Variants in PTAFR observed in about 807,000 individuals in gnomAD.
The protein encoded by PTAFR is platelet-activating factor receptor.
PTAFR carries 8 observed loss-of-function variants against 14.7 expected under a neutral mutation model. That is an observed-to-expected ratio of 0.54 (90% CI 0.32 to 0.98). The LOEUF (loss-of-function observed/expected upper bound fraction) is 0.98, where lower values mean the gene tolerates loss of function less well. Among genes scored for constraint, PTAFR ranks in the 50% least tolerant of loss-of-function variants. The pLI, the probability that PTAFR is intolerant of heterozygous loss-of-function variation, is 0.04. For missense variants in PTAFR, 337 were observed against 451.2 expected (o/e 0.75, Z 2.29); for synonymous variants, 156 against 176.5 (o/e 0.88, Z 0.92).
At chr1:28,175,804 C>T (rs1646507032) in intron 1 of PTAFR, among the ~76,000 whole-genome samples, 2 of 152,102 alleles carry the variant, frequency 1.3e-5, no homozygotes, top group Non-Finnish European at 2.9e-5. Flanking sequence ...CCCGACAATT[C>T]TGTGGGGGAG....
At chr1:28,152,335 C>T (rs1338110281) in intron 1 of PTAFR, among the ~76,000 whole-genome samples, 1 of 152,162 alleles carries the variant, frequency 6.6e-6, no homozygotes, top group East Asian at 1.9e-4. Context: ...GGCATGATGG[C>T]TTACGCCTGT....
At chr1:28,168,251 G>A (rs1370501339) in intron 1 of PTAFR, among the ~76,000 whole-genome samples, 4 of 151,294 alleles carry the variant, frequency 2.6e-5, no homozygotes, top group Non-Finnish European at 5.9e-5. Flanking sequence ...GATTACAGGC[G>A]TGAGCCACCG....
At chr1:28,155,655 A>G (rs1646255920) in intron 1 of PTAFR, among the ~76,000 whole-genome samples, 1 of 152,130 alleles carries the variant, frequency 6.6e-6, no homozygotes, top group African/African-American at 2.4e-5. Flanking sequence ...GCTGGAGCCC[A>G]GGGGTTTGAG....
At position 28,149,315 on chromosome 1, in the gene PTAFR, T is replaced by C. The variant is rs1436455128; in HGVS notation, c.*678A>G. ...GTCTACCTCTATCACTTGAGAGTAG[T>C]TGCCCAAAGCTTTTTTTTTTTTTTT... On this transcript the variant is annotated 3_prime_UTR_variant, in exon 2 of 2. Transcript: ENST00000373857. The C allele has an allele frequency of 1.3e-5, 2 of 149,608 alleles. No homozygotes were observed. The highest frequency in any genetic ancestry group is 5.0e-5 in the African/African-American group (2 of 40,304). 9.3% of individuals were successfully genotyped at this position (149,608 alleles called of 1,614,324 possible).
intron 1 of PTAFR, among the ~76,000 whole-genome samples, chr1:28,153,155 G>C (rs763494195): frequency 6.6e-6 from 1 of 152,148 alleles, no homozygotes; most frequent in Non-Finnish European, 1.5e-5. Flanking sequence ...GAAACAATTA[G>C]CCAGGCATAG....
chr1:28,158,005 G>C lies in PTAFR; in HGVS notation c.-38-6946C>G, dbSNP rs185171397. Among the ~76,000 whole-genome samples the C allele has an allele frequency of 2.0e-3, 311 of 152,260 alleles. 2 individuals are homozygous for C. Among genetic ancestry groups the C allele is most frequent in the Admixed American group, 7.7e-3 (118 of 15,286 alleles). ...CAGACTAGCCCAATTCACTCATTCA[G>C]TTGCTCATTCATGCATTCGTTGGAC... On this transcript the variant is annotated intron_variant, in intron 1 of 1. Coordinates refer to ENST00000373857, the MANE Select transcript of PTAFR (RefSeq NM_000952.5).
chr1:28,169,914 C>T (rs966128283), intron 1 of PTAFR, among the ~76,000 whole-genome samples: 1 of 151,672 alleles, frequency 6.6e-6, no homozygotes, highest in Non-Finnish European at 1.5e-5. Context: ...GCAGGGGAAT[C>T]ACTTGAACCC....
At chr1:28,156,021 G>A (rs1646259733) in intron 1 of PTAFR, among the ~76,000 whole-genome samples, 1 of 151,998 alleles carries the variant, frequency 6.6e-6, no homozygotes, top group South Asian at 2.1e-4. Context: ...CAGCACTTTG[G>A]GAGGCCGAGA....
upstream of PTAFR, among the ~76,000 whole-genome samples, chr1:28,179,243 G>A (rs950076545): frequency 2.0e-5 from 3 of 152,118 alleles, no homozygotes; most frequent in Non-Finnish European, 4.4e-5. Flanking sequence ...AGCAAGCCTG[G>A]GAGGGACCTC....
chr1:28,176,765 C>T (rs970308015), upstream of PTAFR: 2 of 152,990 alleles, frequency 1.3e-5, no homozygotes, highest in African/African-American at 4.8e-5. Flanking sequence ...TCAAGGGGTA[C>T]CACAGGAACT....
At chr1:28,160,886 C>T (rs1646316165) in intron 1 of PTAFR, among the ~76,000 whole-genome samples, 1 of 152,204 alleles carries the variant, frequency 6.6e-6, no homozygotes, top group Non-Finnish European at 1.5e-5. Context: ...CTCCTGGCCC[C>T]CATGTGACTC....
At chr1:28,155,999 T>G (rs1185535583) in intron 1 of PTAFR, among the ~76,000 whole-genome samples, 1 of 151,992 alleles carries the variant, frequency 6.6e-6, no homozygotes, top group African/African-American at 2.4e-5. Context: ...TGGTGGCTCA[T>G]GCCTGTAATA....
chr1:28,186,374 C>CA (rs1463337619), intron 1 of PTAFR, among the ~76,000 whole-genome samples: 2 of 152,086 alleles, frequency 1.3e-5, no homozygotes, highest in African/African-American at 4.8e-5. Context: ...GTACTATATT[C>CA]ATGCATGAGA....
rs147712754 is a variant in PTAFR, at chr1:28,193,030, C to T, written c.-39+692G>A. On this transcript the variant is annotated intron_variant, in intron 1 of 1. Transcript: ENST00000305392. ...GCTCAGCTCTGCCCTTCTTGCTCCA[C>T]TGTGTGGCCTGGCTGCCAGTGCATG... Among the ~76,000 whole-genome samples, 9 of 152,298 alleles carry T rather than the reference C, an allele frequency of 5.9e-5. No individual in the cohort carries two copies. The East Asian group carries it at 1.7e-3, about 29-fold the overall frequency.
intron 1 of PTAFR, among the ~76,000 whole-genome samples, chr1:28,189,819 C>A (rs1646637893): frequency 6.6e-6 from 1 of 151,196 alleles, no homozygotes; most frequent in Admixed American, 6.6e-5. Flanking sequence ...GTGCACACCA[C>A]TGTGTCCAGC....
chr1:28,189,107 A>G (rs149787649), intron 1 of PTAFR, among the ~76,000 whole-genome samples: 56 of 151,370 alleles, frequency 3.7e-4, no homozygotes, highest in Admixed American at 5.9e-4. Context: ...TAATTTCATA[A>G]TCAATGCTTG....
chr1:28,183,722 C>T (rs1646581195), intron 1 of PTAFR, among the ~76,000 whole-genome samples: 1 of 152,102 alleles, frequency 6.6e-6, no homozygotes, highest in Non-Finnish European at 1.5e-5. Flanking sequence ...CCCGTCTCTA[C>T]TAAAAATACA....
chr1:28,180,934 T>C (rs1646557230), upstream of PTAFR, among the ~76,000 whole-genome samples: 1 of 151,584 alleles, frequency 6.6e-6, no homozygotes, highest in South Asian at 2.1e-4. Context: ...AAATAGAAAA[T>C]GTGGCAAAAT....
At chr1:28,176,444 CAA>C (rs532299068) in intron 1 of PTAFR, 146 bp downstream of exon 1, 10 of 71,150 alleles carry the variant, frequency 1.4e-4, no homozygotes, top group South Asian at 1.1e-3. Context: ...GACCCTGTCT[CAA>C]AAAAAAAAAA....
Sources: allele counts gnomAD v4.1 joint callset (sites outside exome capture counted in the v4.1 genomes callset), GRCh38; gene constraint gnomAD v4.1.1; transcripts MANE v1.5; gene names NCBI Gene and HGNC (gene_info 2026-07-23, HGNC 2026-07-21).